The following VAT1L variants were observed in gnomAD, a reference collection of about 807,000 sequenced individuals.
VAT1L encodes vesicle amine transport 1 like, also known as putative NADPH-dependent quinone oxidoreductase VAT1L.
A neutral mutation model predicts 44.1 loss-of-function variants in VAT1L; 34 were observed. The observed-to-expected ratio is 0.77, with a 90% confidence interval of 0.59 to 1.03. The LOEUF (loss-of-function observed/expected upper bound fraction) is 1.03. VAT1L is among the 50% of genes least tolerant of loss of function. The pLI is 0.00. For synonymous variants in VAT1L, 253 were observed against 202.2 expected, an observed-to-expected ratio of 1.25 and a Z score of -2.13; for missense variants, 615 against 538.8, an observed-to-expected ratio of 1.14 and a Z score of -1.40.
At chr16:77,970,255 C>T (rs563483901) in intron 7 of VAT1L, among the ~76,000 whole-genome samples, 15 of 152,016 alleles carry the variant, frequency 9.9e-5, no homozygotes, top group African/African-American at 2.9e-4. Flanking sequence ...GTGTTGATTC[C>T]GATCACTGCC....
At chr16:77,847,752 G>A (rs2016771528) in intron 3 of VAT1L, among the ~76,000 whole-genome samples, 1 of 152,230 alleles carries the variant, frequency 6.6e-6, no homozygotes. Flanking sequence ...AAGTGTCACT[G>A]TAGAGACTGT....
chr16:77,934,927 G>A (rs1363387747), intron 7 of VAT1L, among the ~76,000 whole-genome samples: 2 of 152,166 alleles, frequency 1.3e-5, no homozygotes, highest in Non-Finnish European at 2.9e-5. Flanking sequence ...CAATTTCACA[G>A]CAGCTTAATG....
In VAT1L at chr16:77,789,327, G is replaced by C. The variant is rs189301462; in HGVS notation, c.233+412G>C. Among the ~76,000 whole-genome samples the C allele has an allele frequency of 2.0e-3, 301 of 152,240 alleles. 5 individuals carry two copies. The highest frequency in any genetic ancestry group is 2.5e-4 in the Non-Finnish European group (17 of 68,012). On this transcript the variant is annotated intron_variant, in intron 1 of 8. Coordinates refer to ENST00000302536, the MANE Select transcript of VAT1L (RefSeq NM_020927.3). The stretch of plus-strand genomic sequence containing the variant: ...AGCCGCCGTTGGTAGTTTTACACGT[G>C]CGATCTTATTTAATACTTCCTGGGA...
intron 7 of VAT1L, among the ~76,000 whole-genome samples, chr16:77,938,820 T>C (rs1479352185): frequency 1.3e-5 from 2 of 151,960 alleles, no homozygotes; most frequent in Non-Finnish European, 2.9e-5. Flanking sequence ...AATAGGTGAG[T>C]GAGGAAAGAA....
intron 1 of VAT1L, among the ~76,000 whole-genome samples, chr16:77,789,662 A>C (rs373932030): frequency 6.6e-6 from 1 of 152,200 alleles, no homozygotes; most frequent in East Asian, 1.9e-4. Context: ...AACCCCCTCC[A>C]TGCCCCTCTC....
chr16:77,911,667 G>C lies in VAT1L; in HGVS notation c.1077+26865G>C, dbSNP rs146152233. Among the ~76,000 whole-genome samples, 258 of 152,266 alleles carry C rather than the reference G, an allele frequency of 1.7e-3. 1 individual carries two copies. The highest frequency in any genetic ancestry group is 3.1e-3 in the Non-Finnish European group (211 of 68,004). On this transcript the variant is annotated intron_variant, in intron 7 of 8. Coordinates refer to ENST00000302536, the MANE Select transcript of VAT1L (RefSeq NM_020927.3). ...ACTTCCCAAAGCCTGAGGAGTGGCT[G>C]TTTGTGGGAGGTGGGGAAGGAGCTT...
chr16:77,875,436 G>A (rs1475355320), intron 4 of VAT1L, among the ~76,000 whole-genome samples: 1 of 152,152 alleles, frequency 6.6e-6, no homozygotes, highest in Non-Finnish European at 1.5e-5. Flanking sequence ...CAAACACAAG[G>A]AATGCCATTC....
intron 5 of VAT1L, among the ~76,000 whole-genome samples, chr16:77,878,078 C>T (rs2017108730): frequency 6.6e-6 from 1 of 152,112 alleles, no homozygotes; most frequent in Non-Finnish European, 1.5e-5. Flanking sequence ...TTGATTAATC[C>T]CATGTGAGTA....
At chr16:77,797,762 G>T (rs1170779701) in intron 1 of VAT1L, among the ~76,000 whole-genome samples, 1 of 152,192 alleles carries the variant, frequency 6.6e-6, no homozygotes, top group African/African-American at 2.4e-5. Context: ...CTTTTCCTAA[G>T]AGAGAGCCTT....
At chr16:77,790,581 T>G (rs910898913) in intron 1 of VAT1L, among the ~76,000 whole-genome samples, 2 of 152,160 alleles carry the variant, frequency 1.3e-5, no homozygotes, top group Non-Finnish European at 2.9e-5. Context: ...CTCTCCTTCC[T>G]TAACCACTTC....
At chr16:77,806,502 C>A (rs1233171939) in intron 1 of VAT1L, among the ~76,000 whole-genome samples, 1 of 150,124 alleles carries the variant, frequency 6.7e-6, no homozygotes, top group Admixed American at 6.7e-5. Flanking sequence ...AGCCACCACG[C>A]CCGGCCAAGT....
At position 77,917,274 on chromosome 16, in the gene VAT1L, G is replaced by A. The variant is rs1429066; in HGVS notation, c.1077+32472G>A. Among the ~76,000 whole-genome samples the A allele has an allele frequency of 8.7e-3, 1,325 of 152,164 alleles. 21 individuals are homozygous for A. The highest frequency in any genetic ancestry group is 0.03 in the African/African-American group (1,240 of 41,516). ...GAAGGGGAGAAAAATTGGAAGCAAC[G>A]AAAAAGGAAGGGGCAAGCCATCCTG... On this transcript the variant is annotated intron_variant, in intron 7 of 8. Transcript: ENST00000302536.
chr16:77,923,154 A>T (rs1369100544), intron 7 of VAT1L, among the ~76,000 whole-genome samples: 1 of 152,170 alleles, frequency 6.6e-6, no homozygotes, highest in Non-Finnish European at 1.5e-5. Flanking sequence ...AACATCCGTT[A>T]AAAGGAATAA....
At chr16:77,913,155 G>A (rs758796484) in intron 7 of VAT1L, among the ~76,000 whole-genome samples, 52 of 152,020 alleles carry the variant, frequency 3.4e-4, no homozygotes, top group Non-Finnish European at 6.5e-4. Context: ...TGCTTTATTT[G>A]GATTAAATGA....
chr16:77,923,596 C>G (rs982380300), intron 7 of VAT1L, among the ~76,000 whole-genome samples: 1 of 152,124 alleles, frequency 6.6e-6, no homozygotes, highest in African/African-American at 2.4e-5. Context: ...TGTAGAATTT[C>G]TTTGGTATTT....
intron 7 of VAT1L, among the ~76,000 whole-genome samples, chr16:77,943,559 C>G (rs1384071492): frequency 6.6e-6 from 1 of 151,406 alleles, no homozygotes; most frequent in Non-Finnish European, 1.5e-5. Context: ...GCCACCACAC[C>G]CGGCTAATTT....
Position 77,908,464 on chromosome 16 carries a change from CAAAAAAAAAAAA to C in VAT1L, c.1077+23676_1077+23687del, listed in dbSNP as rs11418351. 3.2e-3 allele frequency among the ~76,000 whole-genome samples: 125 copies of C among 39,382 alleles called. 2 individuals carry two copies. The highest frequency in any genetic ancestry group is 4.6e-3 in the Admixed American group (10 of 2,196). The allele number at this position is 39,382 out of a possible 152,430, so 25.8% of individuals were successfully genotyped here. On this transcript the variant is annotated intron_variant, in intron 7 of 8. Transcript: ENST00000302536. ...GGGGGACAAGAACCAGGTTCTGTCTCAAAAAAAAAAAAAAAAAAAAAAAAAGCCATCACAAGC... is the reference window on the plus strand; with the variant it reads ...GGGGGACAAGAACCAGGTTCTGTCTCAAAAAAAAAAAAAGCCATCACAAGC...
intron 3 of VAT1L, among the ~76,000 whole-genome samples, chr16:77,845,177 G>A (rs2016746200): frequency 1.3e-5 from 2 of 151,164 alleles, no homozygotes; most frequent in South Asian, 4.1e-4. Flanking sequence ...CATCCCTGAG[G>A]TCGGCGCTGA....
chr16:77,927,346 A>C (rs1016165992), intron 7 of VAT1L, among the ~76,000 whole-genome samples: 26 of 151,348 alleles, frequency 1.7e-4, no homozygotes, highest in African/African-American at 5.8e-4. Flanking sequence ...TCAAAAAAAA[A>C]AAAAAACACT....
Sources: allele counts gnomAD v4.1 joint callset (sites outside exome capture counted in the v4.1 genomes callset), GRCh38; gene constraint gnomAD v4.1.1; transcripts MANE v1.5; gene names NCBI Gene and HGNC (gene_info 2026-07-23, HGNC 2026-07-21).